TRIO: variants seen among roughly 807,000 people sequenced by gnomAD.
The protein encoded by TRIO is triple functional domain protein.
Under a neutral mutation model 351.9 loss-of-function variants are expected in TRIO, and 58 were observed. The observed-to-expected ratio is 0.16, with a 90% confidence interval of 0.13 to 0.21. The LOEUF (loss-of-function observed/expected upper bound fraction) is 0.21, where lower values mean the gene tolerates loss of function less well. Ranked by LOEUF, TRIO falls within the 10% of genes least tolerant of loss-of-function variation. The pLI, the probability that TRIO is intolerant of heterozygous loss-of-function variation, is 1.00. For synonymous variants in TRIO, 1,758 were observed against 1,595.7 expected, an observed-to-expected ratio of 1.10 and a Z score of -2.42; for missense variants, 3,201 against 4,027.8, an observed-to-expected ratio of 0.79 and a Z score of 5.56.
chr5:14,505,719 G>A (rs1445662084), intron 55 of TRIO, among the ~76,000 whole-genome samples: 1 of 152,094 alleles, frequency 6.6e-6, no homozygotes, highest in Non-Finnish European at 1.5e-5. Flanking sequence ...CAGCTTCCTC[G>A]GGCCGCCCAT....
At chr5:14,289,230 C>T (rs747559739) in intron 4 of TRIO, among the ~76,000 whole-genome samples, 3 of 152,012 alleles carry the variant, frequency 2.0e-5, no homozygotes, top group Non-Finnish European at 4.4e-5. Flanking sequence ...ACTAAAAATA[C>T]AAAAATTAGC....
chr5:14,501,539 G>A (rs142213029), intron 53 of TRIO, among the ~76,000 whole-genome samples: 204 of 152,316 alleles, frequency 1.3e-3, no homozygotes, highest in African/African-American at 4.7e-3. Context: ...CATCCACCAG[G>A]ACTGCCCACT....
chr5:14,420,802 T>G (rs1750055718), intron 34 of TRIO: 6 of 152,274 alleles, frequency 3.9e-5, no homozygotes, highest in Admixed American at 3.9e-4. Flanking sequence ...TTCCTGAAAT[T>G]AGTCTGTTCT....
At chr5:14,161,362 T>C (rs1454914464) in intron 1 of TRIO, among the ~76,000 whole-genome samples, 1 of 152,216 alleles carries the variant, frequency 6.6e-6, no homozygotes, top group African/African-American at 2.4e-5. Flanking sequence ...TGGTTTCCCT[T>C]CCTAACTCAG....
intron 13 of TRIO, among the ~76,000 whole-genome samples, chr5:14,361,746 T>C (rs1744170676): frequency 2.0e-5 from 3 of 152,176 alleles, no homozygotes; most frequent in South Asian, 4.1e-4. Context: ...CCACGGAAAA[T>C]GTCACTCCAC....
intron 15 of TRIO, 83 bp from the exon 16 acceptor site, chr5:14,366,777 T>A: frequency 6.3e-7 from 1 of 1,590,590 alleles, no homozygotes; most frequent in Non-Finnish European, 8.6e-7. Context: ...TGGACTATCT[T>A]GCACGCTTGT....
chr5:14,315,924 G>T (rs1026010974), intron 8 of TRIO, among the ~76,000 whole-genome samples: 7 of 152,132 alleles, frequency 4.6e-5, no homozygotes, highest in African/African-American at 1.4e-4. Flanking sequence ...TAAAGTTAAT[G>T]AACCAAATAG....
intron 54 of TRIO, 148 bp from the exon 55 acceptor site, chr5:14,504,245 C>T: frequency 1.2e-6 from 1 of 830,688 alleles, no homozygotes; most frequent in South Asian, 1.7e-5. Context: ...AGCCATGGCA[C>T]CACAGCCCCT....
chr5:14,410,178 ATG>A (rs1749077484), intron 33 of TRIO, among the ~76,000 whole-genome samples: 2 of 152,182 alleles, frequency 1.3e-5, no homozygotes, highest in African/African-American at 4.8e-5. Context: ...TAAACGGCGT[ATG>A]AGACTTGCCA....
At chr5:14,396,442 T>C in intron 28 of TRIO, among the ~76,000 whole-genome samples, 1 of 118,908 alleles carries the variant, frequency 8.4e-6, no homozygotes, top group South Asian at 2.9e-4. Flanking sequence ...TTTCTATTTA[T>C]CTTTTTTTTT....
Position 14,471,413 on chromosome 5 carries a change from C to T in TRIO, c.5859C>T (p.Ser1953=). The stretch of plus-strand genomic sequence containing the variant: ...CGGATAATTCCCTTCTCTCTTCCTC[C>T]TCGCCCATTGATGAGATGGAAGAAA... ...NPSDNSLLSS[S]SPIDEMEERK... Residue 1953 remains serine, a synonymous_variant, in exon 38 of 57, where the codon TCC becomes TCT. Transcript: ENST00000344204. 6.2e-7 allele frequency: 1 copy of T among 1,614,186 alleles called. No homozygotes were observed. The highest frequency in any genetic ancestry group is 8.5e-7 in the Non-Finnish European group (1 of 1,180,036).
At chr5:14,507,071 G>A in intron 55 of TRIO, 51 bp from the exon 56 acceptor site, 4 of 1,525,420 alleles carry the variant, frequency 2.6e-6, no homozygotes, top group Non-Finnish European at 3.5e-6. Context: ...AGCCCAAAGA[G>A]GTCTTCAAAG....
Position 14,481,527 on chromosome 5 carries a change from C to G in TRIO, c.6388-14C>G. Reference sequence around the variant, plus strand: ...GGAACTTGAGCTTTCACTCTTCTCTCTCCCCTCCCACAGAGAGCTGTGGAA... The same window carrying G: ...GGAACTTGAGCTTTCACTCTTCTCTGTCCCCTCCCACAGAGAGCTGTGGAA... On this transcript the variant is annotated splice_polypyrimidine_tract_variant and intron_variant, in intron 44 of 56. Coordinates refer to ENST00000344204, the MANE Select transcript of TRIO (RefSeq NM_007118.4). 1.9e-6 allele frequency: 3 copies of G among 1,613,976 alleles called. No individual in the cohort carries two copies. Among genetic ancestry groups the G allele is most frequent in the Non-Finnish European group, 2.5e-6 (3 of 1,179,878 alleles).
rs572457406 is a variant in TRIO, at chr5:14,468,122, T to C, written c.5763+2482T>C. 6.6e-5 allele frequency among the ~76,000 whole-genome samples: 10 copies of C among 151,568 alleles called. No individual in the cohort carries two copies. In the South Asian group the frequency reaches 2.1e-3, roughly 32 times the overall value. On this transcript the variant is annotated intron_variant, in intron 37 of 56. Coordinates refer to ENST00000344204, the MANE Select transcript of TRIO (RefSeq NM_007118.4). ...TTTTATGTGGTCTGTGATTCATTTG[T>C]AATTAATTCACGTGGACTTCCAAAT... is the stretch of plus-strand genomic sequence containing the variant.
At position 14,166,939 on chromosome 5, in the gene TRIO, C is replaced by T. The variant is rs920398634; in HGVS notation, c.157+23057C>T. Among the ~76,000 whole-genome samples, 7 of 152,208 alleles carry T rather than the reference C, an allele frequency of 4.6e-5. No individual in the cohort carries two copies. The South Asian group carries it at 1.5e-3, about 32-fold the overall frequency. On this transcript the variant is annotated intron_variant, in intron 1 of 56. Transcript: ENST00000344204. ...TGTTTGTTGGGCTGTGTTCACTTGG[C>T]AAGTTGCTGTGGATCTAACTGCTGT...
chr5:14,460,923 C>T (rs1405629942), intron 34 of TRIO, 96 bp from the exon 35 acceptor site: 2 of 1,400,096 alleles, frequency 1.4e-6, no homozygotes, highest in South Asian at 1.6e-5. Flanking sequence ...GCATCCAGGC[C>T]CACTGGCTTC....
chr5:14,244,067 C>T (rs769428000), intron 1 of TRIO, among the ~76,000 whole-genome samples: 4 of 152,156 alleles, frequency 2.6e-5, no homozygotes, highest in South Asian at 2.1e-4. Context: ...ACTTCGGGTG[C>T]GTTGCTTAAA....
At chr5:14,307,598 G>T (rs994066045) in intron 8 of TRIO, among the ~76,000 whole-genome samples, 1 of 152,214 alleles carries the variant, frequency 6.6e-6, no homozygotes, top group African/African-American at 2.4e-5. Flanking sequence ...GCTATGAGTA[G>T]TGTTCATCTT....
chr5:14,257,085 G>A (rs949338420), intron 1 of TRIO, among the ~76,000 whole-genome samples: 1 of 152,194 alleles, frequency 6.6e-6, no homozygotes, highest in Non-Finnish European at 1.5e-5. Flanking sequence ...AGAGATGTTT[G>A]CCTATTGAAA....
Sources: allele counts gnomAD v4.1 joint callset (sites outside exome capture counted in the v4.1 genomes callset), GRCh38; gene constraint gnomAD v4.1.1; transcripts MANE v1.5; gene names NCBI Gene and HGNC (gene_info 2026-07-23, HGNC 2026-07-21).